ZSCAN5A: variants seen among roughly 807,000 people sequenced by gnomAD.
ZSCAN5A encodes zinc finger and SCAN domain containing 5A, also known as zinc finger and SCAN domain-containing protein 5A.
A neutral mutation model predicts 23.7 loss-of-function variants in ZSCAN5A; 12 were observed. The observed-to-expected ratio is 0.51, with a 90% confidence interval of 0.32 to 0.82. The LOEUF (loss-of-function observed/expected upper bound fraction) is 0.82, where lower values mean the gene tolerates loss of function less well. Among genes scored for constraint, ZSCAN5A ranks in the 40% least tolerant of loss-of-function variants. ZSCAN5A has a pLI of 0.03. For synonymous variants in ZSCAN5A, 257 were observed against 239.9 expected (o/e 1.07, Z -0.66); for missense variants, 597 against 617.9 (o/e 0.97, Z 0.36).
intron 2 of ZSCAN5A, chr19:56,284,142 G>A: frequency 1.0e-6 from 1 of 985,322 alleles, no homozygotes. Context: ...CAACATTCTG[G>A]ACCACGCATG....
chr19:56,241,758 A>C (rs1447404155), intron 2 of ZSCAN5A, among the ~76,000 whole-genome samples: 1 of 152,190 alleles, frequency 6.6e-6, no homozygotes, highest in East Asian at 1.9e-4. Context: ...GGTAACCACC[A>C]TTCTACTCAC....
chr19:56,341,548 C>A (rs1294590855), intron 2 of ZSCAN5A, among the ~76,000 whole-genome samples: 1 of 151,888 alleles, frequency 6.6e-6, no homozygotes, highest in Non-Finnish European at 1.5e-5. Flanking sequence ...CATTTTTAGA[C>A]CCAGGAGTCA....
rs1030298675 is a variant in ZSCAN5A at position 56,352,065 on chromosome 19, G to C, written c.-358+11170C>G. Among the ~76,000 whole-genome samples, 2 of 152,040 alleles carry C rather than the reference G, an allele frequency of 1.3e-5. No individual in the cohort carries two copies. Among genetic ancestry groups the C allele is most frequent in the Non-Finnish European group, 2.9e-5 (2 of 68,008 alleles). ...GTGCCTTCTTTATGCCCTGCGCTTGGGTATGCTTTGGTGGATAGTGTGGGG... is the reference window on the plus strand; with the variant it reads ...GTGCCTTCTTTATGCCCTGCGCTTGCGTATGCTTTGGTGGATAGTGTGGGG... On this transcript the variant is annotated intron_variant, in intron 2 of 6. Transcript: ENST00000587340. This position sits in a 1 kb window ranked among gnomAD's most constrained non-coding sequence, Gnocchi z 4.2.
intron 2 of ZSCAN5A, among the ~76,000 whole-genome samples, chr19:56,361,030 G>A (rs1447269874): frequency 6.6e-6 from 1 of 152,192 alleles, no homozygotes; most frequent in Non-Finnish European, 1.5e-5. Context: ...CAAAGGACAT[G>A]AACAGACACT....
At chr19:56,278,274 T>C (rs554017959) in intron 2 of ZSCAN5A, among the ~76,000 whole-genome samples, 3 of 152,264 alleles carry the variant, frequency 2.0e-5, no homozygotes, top group African/African-American at 7.2e-5. Context: ...GCTGGGACTA[T>C]AGGTGCATGC....
chr19:56,350,998 C>G lies in ZSCAN5A; in HGVS notation c.-358+12237G>C, dbSNP rs148476723. Among the ~76,000 whole-genome samples, 57 of 152,130 alleles carry G rather than the reference C, an allele frequency of 3.7e-4. No individual in the cohort carries two copies. The East Asian group carries it at 6.8e-3, about 18-fold the overall frequency. ...GAGAAGGCCCAATTGCTGTCCCCCC[C>G]CAACCACACGCCCCTTTTCAGCAGA... On this transcript the variant is annotated intron_variant, in intron 2 of 6. Coordinates refer to the ZSCAN5A transcript ENST00000587340.
chr19:56,350,827 T>G (rs183032881), intron 2 of ZSCAN5A, among the ~76,000 whole-genome samples: 138 of 152,048 alleles, frequency 9.1e-4, no homozygotes, highest in Non-Finnish European at 1.6e-3. Context: ...CAAATAAAGT[T>G]TAATATTTTA....
chr19:56,272,996 A>G, intron 2 of ZSCAN5A: 1 of 563,020 alleles, frequency 1.8e-6, no homozygotes, highest in Non-Finnish European at 2.3e-6. Context: ...CTGGATTCAG[A>G]GAGAAGCTCC....
At chr19:56,349,361 C>A (rs752278417) in intron 2 of ZSCAN5A, among the ~76,000 whole-genome samples, 21 of 152,080 alleles carry the variant, frequency 1.4e-4, no homozygotes, top group Non-Finnish European at 2.8e-4. Context: ...GGAAGCAACC[C>A]CTGACGGTCC....
chr19:56,323,395 A>G (rs2041399632), intron 2 of ZSCAN5A, among the ~76,000 whole-genome samples: 1 of 151,536 alleles, frequency 6.6e-6, no homozygotes, highest in South Asian at 2.1e-4. Context: ...GCTGATCTCA[A>G]ACTCCTGGAC....
intron 2 of ZSCAN5A, among the ~76,000 whole-genome samples, chr19:56,228,092 G>A (rs1307607236): frequency 1.3e-5 from 2 of 152,026 alleles, no homozygotes; most frequent in East Asian, 1.9e-4. Flanking sequence ...TTACAGAAGC[G>A]TTACATAACG....
intron 2 of ZSCAN5A, chr19:56,266,797 T>C (rs960208572): frequency 1.3e-5 from 2 of 152,308 alleles, no homozygotes; most frequent in Middle Eastern, 3.4e-3. Context: ...CCATATTTAA[T>C]AGAGAACCAA....
intron 2 of ZSCAN5A, chr19:56,263,817 G>A (rs940001462): frequency 4.6e-5 from 7 of 151,938 alleles, no homozygotes; most frequent in African/African-American, 1.7e-4. Flanking sequence ...ATAATAACAT[G>A]TAATAACAAT....
At chr19:56,300,281 C>T (rs1265890887) in intron 2 of ZSCAN5A, among the ~76,000 whole-genome samples, 1 of 152,078 alleles carries the variant, frequency 6.6e-6, no homozygotes, top group Non-Finnish European at 1.5e-5. Flanking sequence ...TTATTACATA[C>T]CTGCTCTCAA....
At chr19:56,260,962 C>T (rs12980771) in intron 2 of ZSCAN5A, among the ~76,000 whole-genome samples, 48,702 of 151,958 alleles carry the variant, frequency 0.32, 9,353 homozygotes, top group Non-Finnish European at 0.43. Context: ...AATCCCAACA[C>T]TTTGGGAGGC....
At chr19:56,316,411 C>T (rs1365398283), upstream of ZSCAN5A, 18 of 151,480 alleles carry the variant, frequency 1.2e-4, no homozygotes, top group Non-Finnish European at 2.4e-4. Context: ...TCAACACTTA[C>T]TGATTCCAGA....
chr19:56,243,869 G>A (rs1374135353), intron 2 of ZSCAN5A, among the ~76,000 whole-genome samples: 1 of 152,144 alleles, frequency 6.6e-6, no homozygotes, highest in Non-Finnish European at 1.5e-5. Context: ...TTTTGGAAGG[G>A]ATGGGTGGAT....
intron 2 of ZSCAN5A, among the ~76,000 whole-genome samples, chr19:56,362,591 C>T (rs913731636): frequency 5.9e-5 from 9 of 151,956 alleles, no homozygotes; most frequent in East Asian, 1.9e-4. Context: ...AAAAGATGGC[C>T]GGACGCGGTG....
intron 2 of ZSCAN5A, among the ~76,000 whole-genome samples, chr19:56,266,027 T>G (rs1250552427): frequency 6.6e-6 from 1 of 152,194 alleles, no homozygotes. Context: ...TTCACAAATG[T>G]CAATCATACC....
Sources: gnomAD v4.1 joint callset for allele counts (sites outside exome capture counted in the v4.1 genomes callset) on GRCh38, gnomAD v4.1.1 for gene constraint, Gnocchi (gnomAD v3.1) non-coding constraint, MANE v1.5 for transcripts, NCBI Gene and HGNC (gene_info 2026-07-23, HGNC 2026-07-21) for gene names.